Variants in HS3ST2 observed in about 807,000 individuals in gnomAD.
The protein encoded by HS3ST2 is heparan sulfate-glucosamine 3-sulfotransferase 2.
Under a neutral mutation model 26.3 loss-of-function variants are expected in HS3ST2, and 17 were observed. The observed-to-expected ratio is 0.65, with a 90% CI of 0.44 to 0.97. The LOEUF (loss-of-function observed/expected upper bound fraction) is 0.97. HS3ST2 is among the 50% of genes least tolerant of loss of function. HS3ST2 has a pLI of 0.00. For missense variants in HS3ST2, 402 were observed against 501.2 expected (o/e 0.80, Z 1.89); for synonymous variants, 237 against 219.2 (o/e 1.08, Z -0.72).
intron 1 of HS3ST2, among the ~76,000 whole-genome samples, chr16:22,816,808 C>G (rs963583326): frequency 2.6e-5 from 4 of 152,206 alleles, no homozygotes; most frequent in African/African-American, 7.2e-5. Flanking sequence ...AGCATTTCCT[C>G]GATGGAAAAT....
chr16:22,855,684 C>T (rs1901582337), intron 1 of HS3ST2, among the ~76,000 whole-genome samples: 1 of 131,130 alleles, frequency 7.6e-6, no homozygotes, highest in Non-Finnish European at 1.6e-5. Flanking sequence ...CTGTCTGTCT[C>T]TCTGTCTCTC....
chr16:22,858,066 C>G (rs547177643), intron 1 of HS3ST2, among the ~76,000 whole-genome samples: 1 of 146,492 alleles, frequency 6.8e-6, no homozygotes. Flanking sequence ...ATAACACACA[C>G]TTTTGCCCTC....
intron 1 of HS3ST2, among the ~76,000 whole-genome samples, chr16:22,882,353 C>A (rs1448495058): frequency 6.6e-6 from 1 of 152,088 alleles, no homozygotes; most frequent in South Asian, 2.1e-4. Context: ...CACAGCAAGA[C>A]CCCATCTCAA....
At chr16:22,906,773 T>C (rs1902361738) in intron 1 of HS3ST2, among the ~76,000 whole-genome samples, 2 of 152,188 alleles carry the variant, frequency 1.3e-5, no homozygotes, top group Non-Finnish European at 2.9e-5. Flanking sequence ...AGGGCTGAGC[T>C]TTATAAATCA....
intron 1 of HS3ST2, among the ~76,000 whole-genome samples, chr16:22,851,085 G>A (rs530288882): frequency 1.6e-4 from 25 of 152,256 alleles, no homozygotes; most frequent in African/African-American, 2.6e-4. Context: ...AAGGGCAAGC[G>A]TTTCCAGAGG....
intron 1 of HS3ST2, among the ~76,000 whole-genome samples, chr16:22,833,689 T>C (rs1399755320): frequency 1.3e-5 from 2 of 152,180 alleles, no homozygotes; most frequent in African/African-American, 2.4e-5. Context: ...TATTTATATT[T>C]GCCTATTTCC....
chr16:22,892,482 T>C (rs1277783722), intron 1 of HS3ST2, among the ~76,000 whole-genome samples: 1 of 152,170 alleles, frequency 6.6e-6, no homozygotes, highest in African/African-American at 2.4e-5. Context: ...TACACTGGCA[T>C]TTTCCCTATA....
chr16:22,899,578 C>G (rs1164574076), intron 1 of HS3ST2, among the ~76,000 whole-genome samples: 1 of 152,056 alleles, frequency 6.6e-6, no homozygotes, highest in Non-Finnish European at 1.5e-5. Flanking sequence ...TTAGTCTGTT[C>G]TCATGCTACT....
chr16:22,838,766 G>C (rs1245698760), intron 1 of HS3ST2, among the ~76,000 whole-genome samples: 4 of 152,208 alleles, frequency 2.6e-5, no homozygotes, highest in South Asian at 2.1e-4. Context: ...CCTCTTGCTA[G>C]GTAGCTGGGT....
chr16:22,838,256 G>C (rs558442504), intron 1 of HS3ST2, among the ~76,000 whole-genome samples: 6 of 152,138 alleles, frequency 3.9e-5, no homozygotes, highest in South Asian at 4.2e-4. Context: ...GAGCTCAAAG[G>C]GGGCTGAGGA....
intron 1 of HS3ST2, among the ~76,000 whole-genome samples, chr16:22,817,507 C>A (rs1236976655): frequency 6.6e-6 from 1 of 152,156 alleles, no homozygotes; most frequent in Non-Finnish European, 1.5e-5. Flanking sequence ...TTGTACATTT[C>A]TTTTTATTAT....
At position 22,847,880 on chromosome 16, in the gene HS3ST2, AAG is replaced by A. The variant is rs995992112; in HGVS notation, c.485+32788_485+32789del. Among the ~76,000 whole-genome samples the A allele has an allele frequency of 7.9e-5, 12 of 151,460 alleles. No homozygotes were observed. The East Asian group carries it at 1.7e-3, about 22-fold the overall frequency. On this transcript the variant is annotated intron_variant, in intron 1 of 1. Transcript: ENST00000261374. ...GGAGAAAAAGAAAAAAAAAGAAAGAAAGAGGAAGAAAGAGAGAAAGACAAAGC... is the reference window on the plus strand; with the variant it reads ...GGAGAAAAAGAAAAAAAAAGAAAGAAAGGAAGAAAGAGAGAAAGACAAAGC...
intron 1 of HS3ST2, among the ~76,000 whole-genome samples, chr16:22,834,538 G>T (rs209452): frequency 6.6e-6 from 1 of 151,498 alleles, no homozygotes; most frequent in African/African-American, 2.4e-5. Flanking sequence ...TAACCAAATC[G>T]CCTACTGATA....
intron 1 of HS3ST2, among the ~76,000 whole-genome samples, chr16:22,839,503 T>C (rs1292569225): frequency 1.3e-5 from 2 of 152,244 alleles, no homozygotes; most frequent in African/African-American, 4.8e-5. Flanking sequence ...AACGTTTTTT[T>C]CTTCTTGACT....
In HS3ST2 at chr16:22,915,708, C is replaced by T. The variant is rs1410003474; in HGVS notation, c.*146C>T. 2.4e-6 allele frequency: 2 copies of T among 845,942 alleles called. No individual in the cohort carries two copies. Among genetic ancestry groups the T allele is most frequent in the African/African-American group, 3.4e-5 (2 of 58,112 alleles). The allele number at this position is 845,942 out of a possible 1,614,324, so 52.4% of individuals were successfully genotyped here. On this transcript the variant is annotated 3_prime_UTR_variant, in exon 2 of 2. Coordinates refer to ENST00000261374, the MANE Select transcript of HS3ST2 (RefSeq NM_006043.2). Reference sequence around the variant, plus strand: ...TTGCATCATCTTGGAACCAGGAAGCCCAGCTAAAGCCAAGAGACCAGAGAG... The same window carrying T: ...TTGCATCATCTTGGAACCAGGAAGCTCAGCTAAAGCCAAGAGACCAGAGAG...
chr16:22,854,301 T>G (rs1035153846), intron 1 of HS3ST2, among the ~76,000 whole-genome samples: 1 of 152,196 alleles, frequency 6.6e-6, no homozygotes, highest in Non-Finnish European at 1.5e-5. Flanking sequence ...TAGAGTTCTT[T>G]TCCTTGAAGT....
chr16:22,820,065 C>T (rs774991976), intron 1 of HS3ST2, among the ~76,000 whole-genome samples: 15 of 152,324 alleles, frequency 9.8e-5, no homozygotes, highest in South Asian at 2.1e-4. Flanking sequence ...CCTGCATGCA[C>T]AATTGCAGCA....
At chr16:22,899,618 T>A (rs967261666) in intron 1 of HS3ST2, among the ~76,000 whole-genome samples, 1 of 152,174 alleles carries the variant, frequency 6.6e-6, no homozygotes, top group African/African-American at 2.4e-5. Flanking sequence ...CTGGGTAATC[T>A]GTAAAGGAAA....
intron 1 of HS3ST2, among the ~76,000 whole-genome samples, chr16:22,871,014 A>G (rs1901829014): frequency 6.6e-6 from 1 of 152,188 alleles, no homozygotes; most frequent in South Asian, 2.1e-4. Context: ...TTTCACTTTC[A>G]GTATAGTATT....
Sources: gnomAD v4.1 joint callset for allele counts (sites outside exome capture counted in the v4.1 genomes callset) on GRCh38, gnomAD v4.1.1 for gene constraint, MANE v1.5 for transcripts, NCBI Gene and HGNC (gene_info 2026-07-23, HGNC 2026-07-21) for gene names.